Variants in ICAM2 observed in about 807,000 individuals in gnomAD.
The protein encoded by ICAM2 is intercellular adhesion molecule 2.
In ICAM2, 14 loss-of-function variants were observed where a neutral mutation model predicts 19.1. That is an observed-to-expected ratio of 0.73 (90% CI 0.48 to 1.15). The LOEUF (loss-of-function observed/expected upper bound fraction) is 1.15. Among genes scored for constraint, ICAM2 ranks in the 50% most tolerant of loss-of-function variants. The pLI is 0.00. For synonymous variants in ICAM2, 153 were observed against 152.7 expected, an observed-to-expected ratio of 1.00 and a Z score of -0.01; for missense variants, 311 against 355.4, an observed-to-expected ratio of 0.88 and a Z score of 1.00.
chr17:64,012,173 C>G (rs1487154004), intron 1 of ICAM2, among the ~76,000 whole-genome samples: 1 of 152,112 alleles, frequency 6.6e-6, no homozygotes, highest in East Asian at 1.9e-4. Context: ...CATAGAAAGG[C>G]AAATACTGGC....
chr17:64,011,184 C>T (rs1911437676), intron 1 of ICAM2, among the ~76,000 whole-genome samples: 1 of 152,096 alleles, frequency 6.6e-6, no homozygotes, highest in African/African-American at 2.4e-5. Context: ...ACAAATGGGC[C>T]AGGCGTGGTG....
In ICAM2 at chr17:64,002,881, A is replaced by G; in HGVS notation, c.694T>C (p.Ser232Pro). 6.2e-7 allele frequency: 1 copy of G among 1,613,850 alleles called. No homozygotes were observed. Residue 232 changes from serine to proline, a missense_variant, in exon 5 of 5, where the codon TCG (serine) becomes CCG (proline). Transcript: ENST00000579788. Reference sequence around the variant, plus strand: ...GTCACGAACAGGGACAGCAACACCGACACCACCGTGACTATGATGACCATC... The same window carrying G: ...GTCACGAACAGGGACAGCAACACCGGCACCACCGTGACTATGATGACCATC... ...SQMVIIVTVVSVLLSLFVTSV... is the reference protein window; with the variant it reads ...SQMVIIVTVVPVLLSLFVTSV...
At chr17:64,014,156 T>G (rs888850720) in intron 1 of ICAM2, among the ~76,000 whole-genome samples, 1 of 151,898 alleles carries the variant, frequency 6.6e-6, no homozygotes, top group African/African-American at 2.4e-5. Context: ...GAGGGAAATC[T>G]ATAGCCTAGA....
At chr17:64,012,972 G>A (rs1911514066) in intron 1 of ICAM2, among the ~76,000 whole-genome samples, 1 of 152,076 alleles carries the variant, frequency 6.6e-6, no homozygotes, top group Non-Finnish European at 1.5e-5. Context: ...CCACTAGAGA[G>A]GCTTAAAATT....
chr17:64,002,955 C>T lies in ICAM2; in HGVS notation c.650-30G>A, dbSNP rs200310373. 208 of 1,596,752 alleles carry T rather than the reference C, an allele frequency of 1.3e-4. No homozygotes were observed. In the East Asian group the frequency reaches 1.5e-3, roughly 11 times the overall value. On this transcript the variant is annotated intron_variant, in intron 4 of 4. Transcript: ENST00000579788. Reference sequence around the variant, plus strand: ...GGAGGGAGGGGGCAAGGGTCTTAGACGTCCTGTGATCCCAGTTACCAGGGA... The same window carrying T: ...GGAGGGAGGGGGCAAGGGTCTTAGATGTCCTGTGATCCCAGTTACCAGGGA...
chr17:64,013,485 G>T (rs952973791), intron 1 of ICAM2, among the ~76,000 whole-genome samples: 1 of 151,770 alleles, frequency 6.6e-6, no homozygotes, highest in African/African-American at 2.4e-5. Context: ...TGGGTGATAG[G>T]GTGAGTTCCT....
chr17:64,010,197 T>C (rs1054220493), intron 1 of ICAM2, among the ~76,000 whole-genome samples: 1 of 152,204 alleles, frequency 6.6e-6, no homozygotes, highest in African/African-American at 2.4e-5. Context: ...AATTGGCCTG[T>C]TGCTGCACAG....
In ICAM2 at chr17:64,004,192, A is replaced by G. The variant is rs1197769838; in HGVS notation, c.329-228T>C. On this transcript the variant is annotated intron_variant, in intron 3 of 4. Transcript: ENST00000579788. ...CCGGTGACCAGGTGTCTACAAGGAC[A>G]AGGTTCAGAAATTGTACAGCCAACT... The G allele has an allele frequency of 7.5e-6, 4 of 534,500 alleles. No homozygotes were observed. The African/African-American group carries it at 7.5e-5, about 10-fold the overall frequency. 33.1% of individuals were successfully genotyped at this position (534,500 alleles called of 1,614,324 possible). A position where few individuals can be genotyped will look rare whatever the true frequency, so the allele number is the denominator to read the frequency against.
rs1307599731 is a variant in ICAM2 at position 64,009,853 on chromosome 17, C to T, written c.-44-3118G>A. Among the ~76,000 whole-genome samples, 3 of 152,174 alleles carry T rather than the reference C, an allele frequency of 2.0e-5. No homozygotes were observed. The East Asian group carries it at 5.8e-4, about 29-fold the overall frequency. Reference sequence around the variant, plus strand: ...TCCCTTTGAGATATTCTTTCAGGTCCTGCATACCAGTGAAAGTACTCATGC... The same window carrying T: ...TCCCTTTGAGATATTCTTTCAGGTCTTGCATACCAGTGAAAGTACTCATGC... On this transcript the variant is annotated intron_variant, in intron 1 of 4. Transcript: ENST00000579788.
rs1339471650 is a variant in ICAM2, at chr17:64,002,905, TCTGG to T, written c.666_669del (p.Ser222ArgfsTer5). The T allele has an allele frequency of 6.2e-7, 1 of 1,613,252 alleles. No homozygotes were observed. Among genetic ancestry groups the T allele is most frequent in the Non-Finnish European group, 8.5e-7 (1 of 1,179,790 alleles). On this transcript the variant is annotated frameshift_variant, in exon 5 of 5. Transcript: ENST00000579788. LOFTEE classifies it low-confidence loss of function (END_TRUNC). ...GACACCACCGTGACTATGATGACCA[TCTGG>T]CTGTCCGACACAGGCTCTGGGGAGG...
intron 1 of ICAM2, among the ~76,000 whole-genome samples, chr17:64,017,309 T>C (rs1275578804): frequency 6.6e-6 from 1 of 152,198 alleles, no homozygotes; most frequent in African/African-American, 2.4e-5. Flanking sequence ...TTCTTGTGTG[T>C]ATCAGTAACA....
At chr17:64,012,305 T>C (rs1911486788) in intron 1 of ICAM2, among the ~76,000 whole-genome samples, 1 of 151,918 alleles carries the variant, frequency 6.6e-6, no homozygotes, top group Non-Finnish European at 1.5e-5. Flanking sequence ...TCTATTATTT[T>C]AAAAATTTTA....
chr17:64,015,852 T>C (rs1436944167), intron 1 of ICAM2, among the ~76,000 whole-genome samples: 3 of 136,544 alleles, frequency 2.2e-5, no homozygotes, highest in Non-Finnish European at 5.1e-5. Flanking sequence ...AGGGTAACTC[T>C]TTAAAAAAAA....
chr17:64,014,327 G>GA (rs1911568706), intron 1 of ICAM2, among the ~76,000 whole-genome samples: 4 of 29,002 alleles, frequency 1.4e-4, no homozygotes, highest in African/African-American at 2.3e-4. Context: ...AGGAAGGAAG[G>GA]AAGGAAAGAA....
chr17:64,015,601 G>A (rs1019962031), intron 1 of ICAM2, among the ~76,000 whole-genome samples: 4 of 152,090 alleles, frequency 2.6e-5, no homozygotes, highest in South Asian at 2.1e-4. Flanking sequence ...CTAGCCAGGC[G>A]TGGTGGTGCA....
Position 64,005,114 on chromosome 17 carries a change from G to T in ICAM2, c.321C>A (p.Ser107Arg), listed in dbSNP as rs745429341. The T allele has an allele frequency of 1.9e-6, 3 of 1,614,098 alleles. No individual in the cohort carries two copies. Among genetic ancestry groups the T allele is most frequent in the Non-Finnish European group, 2.5e-6 (3 of 1,179,994 alleles). The change falls in exon 3 of 5, where the codon AGC becomes AGA. Residue 107 changes from serine (S) to arginine (R), a missense_variant. Physicochemically the swap from Ser to Arg is moderately radical, Grantham distance 110. Transcript: ENST00000579788. The part of the protein sequence containing the change: ...GKQESMNSNV[S>R]VYQPPRQVIL... Reference sequence around the variant, plus strand: ...CGCAGCACAGCCACTCACGGTACACGCTGACGTTGGAATTCATTGACTCCT... The same window carrying T: ...CGCAGCACAGCCACTCACGGTACACTCTGACGTTGGAATTCATTGACTCCT...
chr17:64,020,066 A>G (rs1017797507), intron 1 of ICAM2, among the ~76,000 whole-genome samples: 55 of 151,918 alleles, frequency 3.6e-4, no homozygotes, highest in African/African-American at 1.3e-3. Context: ...GTTAGGAAAG[A>G]CCCCCTCGAA....
intron 4 of ICAM2, 89 bp from the exon 5 acceptor site, chr17:64,003,014 AC>A: frequency 1.7e-6 from 2 of 1,206,356 alleles, no homozygotes; most frequent in Non-Finnish European, 2.3e-6. Flanking sequence ...CCCAACCCAG[AC>A]CCCCAGACCC....
chr17:64,005,188 T>C lies in ICAM2; in HGVS notation c.247A>G (p.Ile83Val). Residue 83 changes from isoleucine (I) to valine (V), a missense_variant, in exon 3 of 5, where the codon ATC becomes GTC. Ile to Val is a conservative substitution (Grantham distance 29). Coordinates refer to ENST00000579788, the MANE Select transcript of ICAM2 (RefSeq NM_001099789.2). ...AQWKHYLVSN[I>V]SHDTVLQCHF... ...CATTGGAGGACCGTGTCATGGGAGA[T>C]GTTTGAGACCAAGTAATGTTTCCAC... 3.7e-6 allele frequency: 6 copies of C among 1,614,130 alleles called. No individual in the cohort carries two copies. The highest frequency in any genetic ancestry group is 2.2e-5 in the East Asian group (1 of 44,886).
Sources: gnomAD v4.1 joint callset for allele counts (sites outside exome capture counted in the v4.1 genomes callset) on GRCh38, gnomAD v4.1.1 for gene constraint, MANE v1.5 for transcripts, NCBI Gene and HGNC (gene_info 2026-07-23, HGNC 2026-07-21) for gene names.